The following DLGAP1 variants were observed in gnomAD, a reference collection of about 807,000 sequenced individuals.
The protein encoded by DLGAP1 is disks large-associated protein 1.
In DLGAP1, 11 loss-of-function variants were observed where a neutral mutation model predicts 90.8. The observed-to-expected ratio is 0.12, with a 90% CI of 0.08 to 0.20. The LOEUF is 0.20. Among genes scored for constraint, DLGAP1 ranks in the 10% least tolerant of loss-of-function variants. DLGAP1 has a pLI of 1.00. For synonymous variants in DLGAP1, 558 were observed against 540.7 expected (o/e 1.03, Z -0.44); for missense variants, 1,050 against 1,333.8 (o/e 0.79, Z 3.31).
chr18:4,098,131 C>T (rs2075714443), intron 2 of DLGAP1, among the ~76,000 whole-genome samples: 1 of 152,182 alleles, frequency 6.6e-6, no homozygotes, highest in South Asian at 2.1e-4. Context: ...CTAGGCTGGT[C>T]TCCACCTCTT....
At chr18:3,882,325 C>T (rs1167482506) in intron 3 of DLGAP1, among the ~76,000 whole-genome samples, 2 of 151,590 alleles carry the variant, frequency 1.3e-5, no homozygotes, top group Non-Finnish European at 2.9e-5. Context: ...TCGCTTGAAC[C>T]CAGGAGTTTG....
At chr18:4,427,867 T>C (rs972079402) in intron 1 of DLGAP1, among the ~76,000 whole-genome samples, 1 of 152,218 alleles carries the variant, frequency 6.6e-6, no homozygotes, top group Admixed American at 6.5e-5. Context: ...GGAAAAATAA[T>C]GCTTAAAGTG....
intron 4 of DLGAP1, among the ~76,000 whole-genome samples, chr18:3,856,211 A>T (rs2069632968): frequency 1.3e-5 from 2 of 152,240 alleles, no homozygotes; most frequent in African/African-American, 4.8e-5. Context: ...TAGGTTACTA[A>T]GTAAATACAA....
At chr18:4,214,181 G>C (rs2077904001) in intron 1 of DLGAP1, among the ~76,000 whole-genome samples, 1 of 152,132 alleles carries the variant, frequency 6.6e-6, no homozygotes. Flanking sequence ...AGAGACAGAA[G>C]AGAAGGGAGT....
intron 1 of DLGAP1, among the ~76,000 whole-genome samples, chr18:4,374,151 A>G (rs938577413): frequency 5.3e-5 from 8 of 152,148 alleles, no homozygotes; most frequent in African/African-American, 1.9e-4. Context: ...AGCCAGGCAA[A>G]AAGACTATTT....
At chr18:4,269,596 C>T (rs2079225554) in intron 1 of DLGAP1, among the ~76,000 whole-genome samples, 1 of 151,838 alleles carries the variant, frequency 6.6e-6, no homozygotes, top group Non-Finnish European at 1.5e-5. Context: ...CCTTGTGATC[C>T]ACCCGCCTTG....
At chr18:4,249,574 T>C (rs2145186789) in intron 1 of DLGAP1, among the ~76,000 whole-genome samples, 1 of 152,262 alleles carries the variant, frequency 6.6e-6, no homozygotes, top group East Asian at 1.9e-4. Context: ...ATTTCTGCAT[T>C]TGTTTCTCAA....
rs1451829957 is a variant in DLGAP1 at position 4,362,905 on chromosome 18, T to C, written c.-267+92101A>G. On this transcript the variant is annotated intron_variant, in intron 1 of 12. Coordinates refer to ENST00000315677, the MANE Select transcript of DLGAP1 (RefSeq NM_004746.4). ...AACAGCAGGAGTCTCTGACAAGCCA[T>C]TAAAAACAGCAGTTTCACTGCTGGA... is the stretch of plus-strand genomic sequence containing the variant. Among the ~76,000 whole-genome samples, 5 of 151,954 alleles carry C rather than the reference T, an allele frequency of 3.3e-5. No homozygotes were observed. The East Asian group carries it at 5.8e-4, about 18-fold the overall frequency.
At chr18:4,259,720 T>C (rs2078967067) in intron 1 of DLGAP1, among the ~76,000 whole-genome samples, 1 of 152,224 alleles carries the variant, frequency 6.6e-6, no homozygotes, top group African/African-American at 2.4e-5. Context: ...TAATGTGTTT[T>C]GATAGATAAT....
chr18:4,224,818 G>C (rs1400119240), intron 1 of DLGAP1, among the ~76,000 whole-genome samples: 1 of 152,162 alleles, frequency 6.6e-6, no homozygotes, highest in African/African-American at 2.4e-5. Flanking sequence ...GTTGCCACCT[G>C]CAGATTGTAG....
At chr18:3,750,139 AGTAGTC>A (rs2063439184) in intron 5 of DLGAP1, among the ~76,000 whole-genome samples, 1 of 152,098 alleles carries the variant, frequency 6.6e-6, no homozygotes, top group Non-Finnish European at 1.5e-5. Flanking sequence ...TCCCCTCTCT[AGTAGTC>A]CCCAGAGTCT....
At chr18:4,280,759 A>T (rs2079531399) in intron 1 of DLGAP1, 1 of 152,214 alleles carries the variant, frequency 6.6e-6, no homozygotes, top group Admixed American at 6.5e-5. Context: ...TACCTTCCCA[A>T]TTATGAAGTA....
intron 5 of DLGAP1, among the ~76,000 whole-genome samples, chr18:3,801,456 T>G (rs1039705956): frequency 6.6e-6 from 1 of 152,190 alleles, no homozygotes; most frequent in Non-Finnish European, 1.5e-5. Context: ...TCTCTCTCTA[T>G]CTCATCTAGA....
chr18:3,858,878 G>GT (rs2069846841), intron 4 of DLGAP1, among the ~76,000 whole-genome samples: 2 of 152,034 alleles, frequency 1.3e-5, no homozygotes, highest in African/African-American at 4.8e-5. Context: ...CACTTTAAAT[G>GT]TAAGAAGAAA....
chr18:4,407,320 G>C (rs1374270767), intron 1 of DLGAP1, among the ~76,000 whole-genome samples: 2 of 152,172 alleles, frequency 1.3e-5, no homozygotes, highest in Admixed American at 6.5e-5. Flanking sequence ...TAGAGAAAGA[G>C]ATGTCATCTT....
At position 4,154,577 on chromosome 18, in the gene DLGAP1, C is replaced by T. The variant is rs375436146; in HGVS notation, c.-266-3290G>A. Among the ~76,000 whole-genome samples, 12 of 152,210 alleles carry T rather than the reference C, an allele frequency of 7.9e-5. No homozygotes were observed. The East Asian group carries it at 1.9e-3, about 25-fold the overall frequency. ...AAGAATACACACTACAAAGGTATTG[C>T]ATTTTATGGAACACCTATATTTTCA... On this transcript the variant is annotated intron_variant, in intron 1 of 12. Coordinates refer to ENST00000315677, the MANE Select transcript of DLGAP1 (RefSeq NM_004746.4).
intron 7 of DLGAP1, among the ~76,000 whole-genome samples, chr18:3,707,803 T>C (rs1160364431): frequency 2.0e-5 from 3 of 152,150 alleles, no homozygotes. Flanking sequence ...TGGAGCTCTT[T>C]GGTCACATTA....
intron 1 of DLGAP1, among the ~76,000 whole-genome samples, chr18:4,412,240 T>A (rs1047745469): frequency 2.0e-5 from 3 of 151,988 alleles, no homozygotes; most frequent in Non-Finnish European, 2.9e-5. Context: ...ATTTGCAATA[T>A]CTCAATGGAT....
chr18:4,333,682 T>G (rs887717652), intron 1 of DLGAP1, among the ~76,000 whole-genome samples: 1 of 149,138 alleles, frequency 6.7e-6, no homozygotes, highest in Non-Finnish European at 1.5e-5. Context: ...TGCAGTGGTG[T>G]GATCTCGGCT....
Sources: allele counts gnomAD v4.1 joint callset (sites outside exome capture counted in the v4.1 genomes callset), GRCh38; gene constraint gnomAD v4.1.1; transcripts MANE v1.5; gene names NCBI Gene and HGNC (gene_info 2026-07-23, HGNC 2026-07-21).